The following MCTP2 variants were observed in gnomAD, a reference collection of about 807,000 sequenced individuals.
The protein encoded by MCTP2 is multiple C2 and transmembrane domain-containing protein 2.
Under a neutral mutation model 111.6 loss-of-function variants are expected in MCTP2, and 132 were observed. That is an observed-to-expected ratio of 1.18 (90% CI 1.03 to 1.37). The LOEUF (loss-of-function observed/expected upper bound fraction) is 1.37. MCTP2 is among the 40% of genes most tolerant of loss of function. MCTP2 has a pLI of 0.00. For synonymous variants in MCTP2, 395 were observed against 387.7 expected (o/e 1.02, Z -0.22); for missense variants, 1,183 against 1,067.9 (o/e 1.11, Z -1.50).
At chr15:94,476,523 AT>A (rs1395575091) in intron 21 of MCTP2, 172 bp from the exon 22 acceptor site, 1 of 484,634 alleles carries the variant, frequency 2.1e-6, no homozygotes, top group Non-Finnish European at 3.7e-6. Flanking sequence ...TTTCACACTA[AT>A]TTTTACTTGT....
chr15:94,345,127 A>G lies in MCTP2; in HGVS notation c.970-2A>G. ...CACCATTCCGCGGACACAAATCTTT[A>G]GCGTTGGTCAAATCGGAAGCGATTA... On this transcript the variant is annotated splice_acceptor_variant, in intron 7 of 22. Coordinates refer to ENST00000357742, the MANE Select transcript of MCTP2 (RefSeq NM_001385001.1). LOFTEE classifies it high-confidence loss of function. 1 of 1,612,782 alleles carries G rather than the reference A, an allele frequency of 6.2e-7. No individual in the cohort carries two copies. The highest frequency in any genetic ancestry group is 1.1e-5 in the South Asian group (1 of 91,022).
At chr15:94,335,780 A>G (rs1293506231) in intron 4 of MCTP2, among the ~76,000 whole-genome samples, 2 of 152,250 alleles carry the variant, frequency 1.3e-5, no homozygotes, top group Non-Finnish European at 2.9e-5. Context: ...CAGTTGATCT[A>G]CATTGCTGGT....
intron 12 of MCTP2, among the ~76,000 whole-genome samples, chr15:94,372,830 G>C (rs996622603): frequency 2.6e-5 from 4 of 151,976 alleles, no homozygotes; most frequent in Non-Finnish European, 5.9e-5. Flanking sequence ...AAAGAATGAT[G>C]GTCATTTTAG....
At chr15:94,422,022 T>C (rs1366958218) in intron 17 of MCTP2, among the ~76,000 whole-genome samples, 1 of 152,210 alleles carries the variant, frequency 6.6e-6, no homozygotes, top group African/African-American at 2.4e-5. Context: ...GGGAAGAGGT[T>C]ATGTACTATA....
chr15:94,426,772 C>T (rs2082912077), intron 17 of MCTP2, among the ~76,000 whole-genome samples: 1 of 151,982 alleles, frequency 6.6e-6, no homozygotes, highest in Non-Finnish European at 1.5e-5. Context: ...TTATCTTCTA[C>T]CAGAGAGGAT....
chr15:94,426,925 A>G (rs2082922554), intron 17 of MCTP2, among the ~76,000 whole-genome samples: 1 of 152,032 alleles, frequency 6.6e-6, no homozygotes. Context: ...TCTCAACAAA[A>G]CCATGCAGTA....
chr15:94,391,401 A>G (rs1263573630), intron 14 of MCTP2, among the ~76,000 whole-genome samples: 1 of 152,204 alleles, frequency 6.6e-6, no homozygotes, highest in Non-Finnish European at 1.5e-5. Context: ...ATATTGATTT[A>G]TAATTAAGCT....
intron 1 of MCTP2, among the ~76,000 whole-genome samples, chr15:94,238,400 C>T (rs28553916): frequency 2.2e-4 from 32 of 148,298 alleles, no homozygotes; most frequent in African/African-American, 7.2e-4. Flanking sequence ...TGTAGATTGG[C>T]CAGTGCTGCT....
At chr15:94,241,121 A>G (rs565368133) in intron 1 of MCTP2, among the ~76,000 whole-genome samples, 3 of 127,864 alleles carry the variant, frequency 2.3e-5, no homozygotes, top group Admixed American at 7.9e-5. Flanking sequence ...AGCTTCTGAG[A>G]TATCTCCTAG....
At chr15:94,353,460 A>G (rs1474084174) in intron 8 of MCTP2, among the ~76,000 whole-genome samples, 1 of 152,206 alleles carries the variant, frequency 6.6e-6, no homozygotes, top group African/African-American at 2.4e-5. Context: ...AGTTAGATAG[A>G]AGCCTTTCCA....
intron 8 of MCTP2, among the ~76,000 whole-genome samples, chr15:94,349,595 C>T (rs1284140888): frequency 6.6e-6 from 1 of 151,752 alleles, no homozygotes; most frequent in African/African-American, 2.4e-5. Flanking sequence ...CTGAGGCGGG[C>T]GGATCACGAG....
intron 18 of MCTP2, 49 bp downstream of exon 18, chr15:94,440,347 A>G (rs2083710303): frequency 6.2e-7 from 1 of 1,607,740 alleles, no homozygotes; most frequent in South Asian, 1.1e-5. Context: ...GAAATGTGTT[A>G]ACAACAAACT....
At chr15:94,304,322 G>A (rs1013015053) in intron 2 of MCTP2, among the ~76,000 whole-genome samples, 4 of 152,100 alleles carry the variant, frequency 2.6e-5, no homozygotes, top group Admixed American at 2.6e-4. Context: ...CATGCCTGTG[G>A]TCCCAGCTAC....
chr15:94,468,704 G>A lies in MCTP2; in HGVS notation c.2361-1629G>A, dbSNP rs186029080. ...GGCTGGAGTGCAGTGATGCAATCTC[G>A]GCTCAATGCAACCTCCACTTCCCAG... On this transcript the variant is annotated intron_variant, in intron 20 of 22. Transcript: ENST00000357742. Among the ~76,000 whole-genome samples, 17 of 152,152 alleles carry A rather than the reference G, an allele frequency of 1.1e-4. No individual in the cohort carries two copies. In the East Asian group the frequency reaches 2.3e-3, roughly 21 times the overall value.
intron 1 of MCTP2, among the ~76,000 whole-genome samples, chr15:94,268,447 C>G (rs1035728720): frequency 1.3e-5 from 2 of 152,074 alleles, no homozygotes; most frequent in Non-Finnish European, 2.9e-5. Context: ...CTGCCTCGGC[C>G]TCCCAAAGTG....
In MCTP2 at chr15:94,347,361, A is replaced by C. The variant is rs192500671; in HGVS notation, c.1005+2197A>C. The stretch of plus-strand genomic sequence containing the variant: ...GAAGATTACTTAGCTCTGAGTATTA[A>C]AATTTTCACTAGTCCTAAGGAATGT... On this transcript the variant is annotated intron_variant, in intron 8 of 22. Coordinates refer to ENST00000357742, the MANE Select transcript of MCTP2 (RefSeq NM_001385001.1). 7.9e-4 allele frequency among the ~76,000 whole-genome samples: 120 copies of C among 152,288 alleles called. 3 individuals carry two copies. Among genetic ancestry groups the C allele is most frequent in the Admixed American group, 6.5e-3 (99 of 15,294 alleles).
chr15:94,394,638 G>T (rs1017032674), intron 14 of MCTP2, among the ~76,000 whole-genome samples: 4 of 151,912 alleles, frequency 2.6e-5, no homozygotes, highest in Non-Finnish European at 5.9e-5. Context: ...GGTGGCATGT[G>T]CCTGTAGTCC....
At chr15:94,360,315 A>G (rs9806658) in intron 10 of MCTP2, among the ~76,000 whole-genome samples, 63,804 of 152,020 alleles carry the variant, frequency 0.42, 13,572 homozygotes, top group Admixed American at 0.49. Flanking sequence ...TTCTACAGAC[A>G]TGGCCTGTCG....
chr15:94,320,138 A>G (rs1007236984), intron 4 of MCTP2, among the ~76,000 whole-genome samples: 2 of 121,660 alleles, frequency 1.6e-5, no homozygotes, highest in African/African-American at 6.4e-5. Context: ...ATAGTTTATT[A>G]ATCTTTTTTT....
Sources: gnomAD v4.1 joint callset for allele counts (sites outside exome capture counted in the v4.1 genomes callset) on GRCh38, gnomAD v4.1.1 for gene constraint, MANE v1.5 for transcripts, NCBI Gene and HGNC (gene_info 2026-07-23, HGNC 2026-07-21) for gene names.